Variants in PRKCE observed in about 807,000 individuals in gnomAD.
PRKCE encodes protein kinase C epsilon.
PRKCE carries 16 observed loss-of-function variants against 85.4 expected under a neutral mutation model. That is an observed-to-expected ratio of 0.19 (90% CI 0.13 to 0.28). The LOEUF (loss-of-function observed/expected upper bound fraction) is 0.28, where lower values mean the gene tolerates loss of function less well. PRKCE is among the 10% of genes least tolerant of loss of function. The pLI, the probability that PRKCE is intolerant of heterozygous loss-of-function variation, is 1.00. For synonymous variants in PRKCE, 388 were observed against 371.5 expected (o/e 1.04, Z -0.51); for missense variants, 573 against 975.2 (o/e 0.59, Z 5.49).
intron 6 of PRKCE, among the ~76,000 whole-genome samples, chr2:45,987,091 A>G (rs1703389118): frequency 6.6e-6 from 1 of 152,000 alleles, no homozygotes; most frequent in African/African-American, 2.4e-5. Context: ...TGAAGATACT[A>G]TCATCATAAA....
intron 2 of PRKCE, among the ~76,000 whole-genome samples, chr2:45,975,075 G>T (rs1702355309): frequency 6.6e-6 from 1 of 152,164 alleles, no homozygotes; most frequent in Non-Finnish European, 1.5e-5. Flanking sequence ...CACTCTCTGG[G>T]TTAGAATCTG....
At chr2:45,842,256 T>C (rs983657715) in intron 1 of PRKCE, among the ~76,000 whole-genome samples, 2 of 152,172 alleles carry the variant, frequency 1.3e-5, no homozygotes, top group Non-Finnish European at 2.9e-5. Context: ...CCTGTGCTGT[T>C]TCTTACGCCT....
At chr2:45,853,674 T>C (rs150570566) in intron 2 of PRKCE, among the ~76,000 whole-genome samples, 1 of 152,296 alleles carries the variant, frequency 6.6e-6, no homozygotes, top group East Asian at 1.9e-4. Context: ...CATGACTAAA[T>C]GAAAATAACA....
intron 2 of PRKCE, among the ~76,000 whole-genome samples, chr2:45,892,940 C>G (rs1414699525): frequency 6.6e-6 from 1 of 152,194 alleles, no homozygotes; most frequent in Non-Finnish European, 1.5e-5. Context: ...AGGGCAGCAT[C>G]TCCACGGGGC....
chr2:45,748,890 A>AT (rs34676578), intron 1 of PRKCE, among the ~76,000 whole-genome samples: 86,028 of 145,238 alleles, frequency 0.59, 25,398 homozygotes, highest in African/African-American at 0.67. Context: ...AGGGAACAGG[A>AT]TTTTTTTTTT....
chr2:45,976,142 T>C (rs1702437379), intron 2 of PRKCE, among the ~76,000 whole-genome samples: 1 of 152,146 alleles, frequency 6.6e-6, no homozygotes, highest in Non-Finnish European at 1.5e-5. Flanking sequence ...CTGTAGCCTG[T>C]GTGGGGAGGA....
chr2:45,966,914 C>T (rs887284623), intron 2 of PRKCE, among the ~76,000 whole-genome samples: 3 of 152,086 alleles, frequency 2.0e-5, no homozygotes, highest in African/African-American at 7.2e-5. Context: ...TTGTTGGCTC[C>T]AGGGAGATAG....
chr2:45,838,641 C>T (rs143463420), intron 1 of PRKCE, among the ~76,000 whole-genome samples: 1 of 152,036 alleles, frequency 6.6e-6, no homozygotes, highest in Non-Finnish European at 1.5e-5. Flanking sequence ...AAAATGTTTT[C>T]AGAGACAGGA....
At chr2:46,057,844 T>G (rs2105102477) in intron 10 of PRKCE, among the ~76,000 whole-genome samples, 1 of 152,268 alleles carries the variant, frequency 6.6e-6, no homozygotes, top group Non-Finnish European at 1.5e-5. Context: ...CACCAAGCTG[T>G]TGTGAGGATC....
chr2:46,045,379 C>T (rs1412053121), intron 10 of PRKCE, among the ~76,000 whole-genome samples: 1 of 152,212 alleles, frequency 6.6e-6, no homozygotes, highest in Non-Finnish European at 1.5e-5. Context: ...TGACCGTCCT[C>T]TTTGACATAT....
intron 11 of PRKCE, among the ~76,000 whole-genome samples, chr2:46,115,909 G>A (rs1672721453): frequency 6.6e-6 from 1 of 152,124 alleles, no homozygotes; most frequent in Admixed American, 6.5e-5. Context: ...TTTGATATAA[G>A]ACATACAAAT....
At chr2:45,657,887 G>C (rs188625928) in intron 1 of PRKCE, among the ~76,000 whole-genome samples, 105 of 152,336 alleles carry the variant, frequency 6.9e-4, no homozygotes, top group Admixed American at 1.1e-3. Context: ...ACAGATGCCA[G>C]GGCACAGCCT....
chr2:45,685,709 A>AGGTAC (rs1410855298), intron 1 of PRKCE: 1 of 152,176 alleles, frequency 6.6e-6, no homozygotes, highest in Non-Finnish European at 1.5e-5. Flanking sequence ...GTCTTTCCCC[A>AGGTAC]GGTACGGGGG....
intron 2 of PRKCE, among the ~76,000 whole-genome samples, chr2:45,887,341 A>G (rs537373417): frequency 6.6e-6 from 1 of 152,228 alleles, no homozygotes; most frequent in South Asian, 2.1e-4. Context: ...AAGCTAGATC[A>G]TCCTTGCTGG....
chr2:45,759,640 A>T (rs1338978582), intron 1 of PRKCE, among the ~76,000 whole-genome samples: 1 of 152,280 alleles, frequency 6.6e-6, no homozygotes, highest in Middle Eastern at 3.4e-3. Context: ...CAGTTATTAC[A>T]CTCTTTGATG....
intron 1 of PRKCE, among the ~76,000 whole-genome samples, chr2:45,775,722 C>T (rs938553453): frequency 6.6e-6 from 1 of 152,210 alleles, no homozygotes; most frequent in Non-Finnish European, 1.5e-5. Context: ...CCTGCTGCCT[C>T]AGCCAGCATG....
chr2:45,790,988 C>A lies in PRKCE; in HGVS notation c.349-52012C>A, dbSNP rs896953369. Among the ~76,000 whole-genome samples the A allele has an allele frequency of 2.0e-5, 3 of 152,200 alleles. No homozygotes were observed. In the South Asian group the frequency reaches 6.2e-4, roughly 32 times the overall value. On this transcript the variant is annotated intron_variant, in intron 1 of 14. Coordinates refer to ENST00000306156, the MANE Select transcript of PRKCE (RefSeq NM_005400.3). ...CCTCCCACAGAGGCCAGGCCAGCGT[C>A]TCCAGACCTTTGAAAAGGGAACAGA...
intron 14 of PRKCE, among the ~76,000 whole-genome samples, chr2:46,165,622 T>A (rs1178298374): frequency 3.9e-5 from 6 of 152,234 alleles, no homozygotes; most frequent in South Asian, 2.1e-4. Context: ...GTGTTACTGA[T>A]GGGCTTGCCT....
rs532744003 is a variant in PRKCE, at chr2:45,738,054, G to C, written c.348+85606G>C. On this transcript the variant is annotated intron_variant, in intron 1 of 14. Transcript: ENST00000306156. Reference sequence around the variant, plus strand: ...CCAGCGTCCTCCTCTCCACAGTCCTGCTGCAGGCGACGCAAACCTTTTGTC... The same window carrying C: ...CCAGCGTCCTCCTCTCCACAGTCCTCCTGCAGGCGACGCAAACCTTTTGTC... Among the ~76,000 whole-genome samples the C allele has an allele frequency of 3.3e-5, 5 of 152,144 alleles. No individual in the cohort carries two copies. In the South Asian group the frequency reaches 1.0e-3, roughly 32 times the overall value.
Sources: gnomAD v4.1 joint callset for allele counts (sites outside exome capture counted in the v4.1 genomes callset) on GRCh38, gnomAD v4.1.1 for gene constraint, MANE v1.5 for transcripts, NCBI Gene and HGNC (gene_info 2026-07-23, HGNC 2026-07-21) for gene names.